The following GPLD1 variants were observed in gnomAD, a reference collection of about 807,000 sequenced individuals.
The protein encoded by GPLD1 is glycosylphosphatidylinositol specific phospholipase D1.
Under a neutral mutation model 112.6 loss-of-function variants are expected in GPLD1, and 84 were observed. That is an observed-to-expected ratio of 0.75 (90% CI 0.63 to 0.89). GPLD1 has a LOEUF of 0.89. GPLD1 is among the 40% of genes least tolerant of loss of function. The probability of loss-of-function intolerance (pLI) is 0.00; values close to 1 mark genes in which losing one functional copy is unlikely to be tolerated. For synonymous variants in GPLD1, 386 were observed against 403.8 expected (o/e 0.96, Z 0.53); for missense variants, 1,044 against 1,051.5 (o/e 0.99, Z 0.10).
At chr6:24,424,906 T>G (rs1561818707), downstream of GPLD1, 1 of 152,160 alleles carries the variant, frequency 6.6e-6, no homozygotes, top group East Asian at 1.9e-4. Flanking sequence ...CCGTCGCTGA[T>G]TTGGAAGAAA....
chr6:24,495,068 C>G, exon 1 of GPLD1: 1 of 1,333,962 alleles, frequency 7.5e-7, no homozygotes, highest in East Asian at 3.0e-5. Flanking sequence ...GCTGCCGCCT[C>G]CGCCCCCGCG....
At chr6:24,456,792 A>G (rs1315015914) in intron 12 of GPLD1, among the ~76,000 whole-genome samples, 155 bp from the exon 13 acceptor site, 1 of 152,226 alleles carries the variant, frequency 6.6e-6, no homozygotes, top group Admixed American at 6.5e-5. Context: ...AGCAAGTAAG[A>G]TCACTTAGGA....
upstream of GPLD1, chr6:24,489,607 T>C (rs1442580904): frequency 3.2e-6 from 5 of 1,564,234 alleles, no homozygotes; most frequent in Non-Finnish European, 4.3e-6. Flanking sequence ...CCACCGCTTC[T>C]CTCTAAGCAG....
chr6:24,447,881 G>A lies in GPLD1; in HGVS notation c.1674C>T (p.Asp558=), dbSNP rs777401229. The stretch of plus-strand genomic sequence containing the variant: ...CCATTCCCCCTCAGGCACTACCTTT[G>A]TCGCTCAGGCTGGGGCCAGAATAAA... ...AAFYSGPSLS[D]KEKLNVEAAN... Residue 558 remains aspartate, a synonymous_variant, in exon 17 of 25, where the codon GAC becomes GAT. Coordinates refer to ENST00000230036, the MANE Select transcript of GPLD1 (RefSeq NM_001503.4). 2.5e-6 allele frequency: 4 copies of A among 1,613,690 alleles called. No homozygotes were observed. The South Asian group carries it at 4.4e-5, about 18-fold the overall frequency.
chr6:24,426,389 G>A lies in GPLD1; in HGVS notation c.*2643C>T, dbSNP rs1049506946. 3.3e-5 allele frequency among the ~76,000 whole-genome samples: 5 copies of A among 152,044 alleles called. No homozygotes were observed. The highest frequency in any genetic ancestry group is 2.1e-4 in the South Asian group (1 of 4,816). On this transcript the variant is annotated 3_prime_UTR_variant, in exon 25 of 25. Coordinates refer to ENST00000230036, the MANE Select transcript of GPLD1 (RefSeq NM_001503.4). ...CCTGTATGCCAGGTTTTTTACATAC[G>A]TGCCATATCAGTTGACCTTTTACAG...
chr6:24,447,810 A>G (rs910252207), intron 17 of GPLD1, 67 bp downstream of exon 17: 2 of 1,443,376 alleles, frequency 1.4e-6, no homozygotes, highest in East Asian at 2.3e-5. Flanking sequence ...ATAAACCCCT[A>G]TGCAGGATAA....
intron 8 of GPLD1, 37 bp from the exon 9 acceptor site, chr6:24,466,976 G>A (rs769811106): frequency 1.3e-6 from 2 of 1,560,878 alleles, no homozygotes; most frequent in South Asian, 2.2e-5. Context: ...GTGAGTTGCA[G>A]TTTGTAACAG....
rs370511014 is a variant in GPLD1 at position 24,474,499 on chromosome 6, C to A, written c.441+622G>T. 5.3e-5 allele frequency among the ~76,000 whole-genome samples: 8 copies of A among 152,232 alleles called. No homozygotes were observed. In the East Asian group the frequency reaches 1.5e-3, roughly 29 times the overall value. On this transcript the variant is annotated intron_variant, in intron 5 of 24. Transcript: ENST00000230036. Reference sequence around the variant, plus strand: ...AGAACCAAGTGGCAGGTATTCATATCCTTCTTAAGATATACAGCTTGAATA... The same window carrying A: ...AGAACCAAGTGGCAGGTATTCATATACTTCTTAAGATATACAGCTTGAATA...
intron 15 of GPLD1, 91 bp downstream of exon 15, chr6:24,449,698 T>C: frequency 1.2e-6 from 1 of 805,588 alleles, no homozygotes; most frequent in South Asian, 1.6e-5. Flanking sequence ...CTGTCTGCTT[T>C]GCTCCAGGGG....
intron 13 of GPLD1, among the ~76,000 whole-genome samples, chr6:24,455,608 TTATAA>T (rs1763241216): frequency 6.6e-6 from 1 of 152,200 alleles, no homozygotes; most frequent in Admixed American, 6.6e-5. Context: ...AACATTCTCT[TTATAA>T]AACTGTCATG....
intron 22 of GPLD1, among the ~76,000 whole-genome samples, chr6:24,435,561 A>T (rs1762543093): frequency 6.6e-6 from 1 of 151,938 alleles, no homozygotes; most frequent in Non-Finnish European, 1.5e-5. Context: ...AATAATTTTA[A>T]ATTTTTTAAA....
At chr6:24,441,090 A>G (rs1198658858) in intron 20 of GPLD1, among the ~76,000 whole-genome samples, 5 of 151,956 alleles carry the variant, frequency 3.3e-5, no homozygotes, top group Admixed American at 2.6e-4. Flanking sequence ...ATCACCTGAC[A>G]TCGGGAGTTT....
Position 24,428,923 on chromosome 6 carries a change from G to A in GPLD1, c.*109C>T, listed in dbSNP as rs1762319307. 1.5e-6 allele frequency: 1 copy of A among 652,342 alleles called. No individual in the cohort carries two copies. Among genetic ancestry groups the A allele is most frequent in the Admixed American group, 2.7e-5 (1 of 36,422 alleles). 40.4% of individuals were successfully genotyped at this position (652,342 alleles called of 1,614,324 possible). A position where few individuals can be genotyped will look rare whatever the true frequency, so the allele number is the denominator to read the frequency against. The stretch of plus-strand genomic sequence containing the variant: ...ACTCCCAGGAGCCCCATGTCTATCA[G>A]GATCTACCACCGCTCCACTGGATGT... On this transcript the variant is annotated 3_prime_UTR_variant, in exon 25 of 25. Transcript: ENST00000230036.
upstream of GPLD1, among the ~76,000 whole-genome samples, chr6:24,491,595 C>T (rs1764561782): frequency 1.3e-5 from 2 of 151,996 alleles, no homozygotes; most frequent in Admixed American, 1.3e-4. Flanking sequence ...ATGGTCCAAG[C>T]TACTCAGGAG....
chr6:24,476,333 A>T (rs1297180739), intron 3 of GPLD1, 55 bp from the exon 4 acceptor site: 2 of 885,662 alleles, frequency 2.3e-6, no homozygotes, highest in Non-Finnish European at 3.7e-6. Context: ...GAGAGTCTCA[A>T]TCAAATCTTC....
chr6:24,441,265 C>A (rs965568658), intron 20 of GPLD1, among the ~76,000 whole-genome samples: 2 of 151,190 alleles, frequency 1.3e-5, no homozygotes, highest in Non-Finnish European at 2.9e-5. Context: ...TGAGATCACA[C>A]CACTACATTC....
chr6:24,486,272 T>G, intron 1 of GPLD1, 142 bp from the exon 2 acceptor site: 1 of 638,410 alleles, frequency 1.6e-6, no homozygotes, highest in South Asian at 1.9e-5. Context: ...TTGCACTCAC[T>G]GGCAATTTTC....
intron 14 of GPLD1, among the ~76,000 whole-genome samples, chr6:24,452,937 A>G (rs1178775677): frequency 6.6e-6 from 1 of 152,168 alleles, no homozygotes; most frequent in African/African-American, 2.4e-5. Context: ...CAGAGAATGC[A>G]GTGCCAGGCC....
chr6:24,429,337 C>T (rs2127307150), intron 24 of GPLD1, among the ~76,000 whole-genome samples: 1 of 152,286 alleles, frequency 6.6e-6, no homozygotes, highest in South Asian at 2.1e-4. Context: ...TCACCCCAAT[C>T]CCTATTCTGG....
Sources: gnomAD v4.1 joint callset for allele counts (sites outside exome capture counted in the v4.1 genomes callset) on GRCh38, gnomAD v4.1.1 for gene constraint, MANE v1.5 for transcripts, NCBI Gene and HGNC (gene_info 2026-07-23, HGNC 2026-07-21) for gene names.